TENM2: variants seen among roughly 807,000 people sequenced by gnomAD.
TENM2 encodes the protein teneurin-2.
In TENM2, 52 loss-of-function variants were observed where a neutral mutation model predicts 245.2. The ratio of observed to expected loss-of-function variants is 0.21; its 90% CI spans 0.17 to 0.27. The LOEUF (loss-of-function observed/expected upper bound fraction) is 0.27. TENM2 is among the 10% of genes least tolerant of loss of function. The probability of loss-of-function intolerance (pLI) is 1.00; values close to 1 mark genes in which losing one functional copy is unlikely to be tolerated. For missense variants in TENM2, 3,046 were observed against 3,666.8 expected (o/e 0.83, Z 4.37); for synonymous variants, 1,363 against 1,438.9 (o/e 0.95, Z 1.19).
chr5:167,703,646 G>A (rs1227064970), intron 2 of TENM2, among the ~76,000 whole-genome samples: 1 of 151,568 alleles, frequency 6.6e-6, no homozygotes, highest in East Asian at 1.9e-4. Context: ...ATATCATTTA[G>A]AAAAAGACAG....
At chr5:167,482,665 G>C (rs750680792) in intron 2 of TENM2, among the ~76,000 whole-genome samples, 19 of 152,196 alleles carry the variant, frequency 1.2e-4, no homozygotes, top group Non-Finnish European at 2.8e-4. Flanking sequence ...CAGCCTAATC[G>C]TACAGCAGTA....
At chr5:167,829,979 G>T (rs1261231593) in intron 2 of TENM2, among the ~76,000 whole-genome samples, 2 of 152,200 alleles carry the variant, frequency 1.3e-5, no homozygotes, top group African/African-American at 4.8e-5. Flanking sequence ...ATGGTCCCAG[G>T]ATACCTCCTC....
rs1770202469 is a variant in TENM2 at position 167,847,953 on chromosome 5, G to A, written c.503-28033G>A. ...TGCAACACTTTACACTTACCCTTTAGATTTCAGTTTGGGTAATTTGGACAT... is the reference window on the plus strand; with the variant it reads ...TGCAACACTTTACACTTACCCTTTAAATTTCAGTTTGGGTAATTTGGACAT... On this transcript the variant is annotated intron_variant, in intron 2 of 28. Transcript: ENST00000518659. 3.9e-5 allele frequency among the ~76,000 whole-genome samples: 6 copies of A among 152,152 alleles called. No homozygotes were observed. In the South Asian group the frequency reaches 1.2e-3, roughly 32 times the overall value.
chr5:167,419,904 T>C (rs1308863164), intron 2 of TENM2, among the ~76,000 whole-genome samples: 1 of 152,180 alleles, frequency 6.6e-6, no homozygotes, highest in African/African-American at 2.4e-5. Context: ...TCTACCAATA[T>C]AGTAAGCATT....
chr5:167,529,337 C>T (rs1445722530), intron 2 of TENM2, among the ~76,000 whole-genome samples: 1 of 152,168 alleles, frequency 6.6e-6, no homozygotes, highest in Non-Finnish European at 1.5e-5. Context: ...GTAGTTTTCA[C>T]ATTTATAAAT....
chr5:168,227,483 G>A lies in TENM2; in HGVS notation c.5285-412G>A, dbSNP rs575034362. Among the ~76,000 whole-genome samples, 503 of 85,570 alleles carry A rather than the reference G, an allele frequency of 5.9e-3. 5 individuals carry two copies. Among genetic ancestry groups the A allele is most frequent in the African/African-American group, 0.049 (482 of 9,906 alleles). 56.1% of individuals were successfully genotyped at this position (85,570 alleles called of 152,430 possible). Reference sequence around the variant, plus strand: ...CCAGCAACCTTGGGTTAGACGGCAGGCAAAAGGAGGAAAACTGAAGTCATT... The same window carrying A: ...CCAGCAACCTTGGGTTAGACGGCAGACAAAAGGAGGAAAACTGAAGTCATT... On this transcript the variant is annotated intron_variant, in intron 24 of 28. Transcript: ENST00000518659.
At chr5:167,110,329 C>T in the TENM2 span, among the ~76,000 whole-genome samples, 1 of 152,152 alleles carries the variant, frequency 6.6e-6, no homozygotes, top group African/African-American at 2.4e-5. Context: ...GAGACATGCT[C>T]CTCTAGCAAA....
At chr5:167,132,534 C>T in the TENM2 span, among the ~76,000 whole-genome samples, 14 of 152,012 alleles carry the variant, frequency 9.2e-5, no homozygotes, top group Non-Finnish European at 1.5e-4. Context: ...TCTAGAATGG[C>T]CAGGCATGTT....
chr5:167,791,064 A>G (rs1764921277), intron 2 of TENM2, among the ~76,000 whole-genome samples: 1 of 152,196 alleles, frequency 6.6e-6, no homozygotes, highest in Non-Finnish European at 1.5e-5. Context: ...GTATCTCAAT[A>G]GCTGCCCACA....
At chr5:167,774,377 A>G (rs577550084) in intron 2 of TENM2, among the ~76,000 whole-genome samples, 1 of 152,312 alleles carries the variant, frequency 6.6e-6, no homozygotes, top group East Asian at 1.9e-4. Flanking sequence ...AACACCCCTT[A>G]GAGTTTACTT....
At chr5:167,230,506 A>G in the TENM2 span, among the ~76,000 whole-genome samples, 1 of 152,026 alleles carries the variant, frequency 6.6e-6, no homozygotes, top group Non-Finnish European at 1.5e-5. Context: ...TGAGTAAGAG[A>G]TGCCTCTAAT....
At chr5:168,086,950 C>T (rs1792510178) in intron 7 of TENM2, among the ~76,000 whole-genome samples, 1 of 152,180 alleles carries the variant, frequency 6.6e-6, no homozygotes, top group Admixed American at 6.5e-5. Context: ...AGAGCAGAGG[C>T]TCCCCTACAC....
chr5:167,179,178 T>C, the TENM2 span, among the ~76,000 whole-genome samples: 1 of 152,232 alleles, frequency 6.6e-6, no homozygotes, highest in Non-Finnish European at 1.5e-5. Context: ...TAATTGGCAC[T>C]GTCCTCATCC....
chr5:167,169,391 A>G, the TENM2 span, among the ~76,000 whole-genome samples: 2 of 152,178 alleles, frequency 1.3e-5, no homozygotes, highest in African/African-American at 4.8e-5. Flanking sequence ...ATGAGCTACT[A>G]TTTTAGTGAT....
At chr5:167,918,003 G>A (rs1260898425) in intron 3 of TENM2, among the ~76,000 whole-genome samples, 1 of 151,970 alleles carries the variant, frequency 6.6e-6, no homozygotes, top group Non-Finnish European at 1.5e-5. Flanking sequence ...GGCTATAAAA[G>A]ACAACAATAA....
intron 13 of TENM2, among the ~76,000 whole-genome samples, chr5:168,169,041 T>C (rs1758560470): frequency 6.6e-6 from 1 of 152,216 alleles, no homozygotes; most frequent in African/African-American, 2.4e-5. Flanking sequence ...TTATTATTAT[T>C]ACAGTCCAGC....
chr5:168,230,735 CTACAGTCA>C (rs1314171442), intron 25 of TENM2, among the ~76,000 whole-genome samples: 1 of 152,150 alleles, frequency 6.6e-6, no homozygotes, highest in Non-Finnish European at 1.5e-5. Context: ...GGTGCCAACA[CTACAGTCA>C]GTACCACGGA....
chr5:168,154,158 A>C (rs1258036064), intron 12 of TENM2, among the ~76,000 whole-genome samples: 1 of 151,170 alleles, frequency 6.6e-6, no homozygotes, highest in Non-Finnish European at 1.5e-5. Flanking sequence ...AAAAAAAAAA[A>C]AAAAAAAACA....
intron 1 of TENM2, among the ~76,000 whole-genome samples, chr5:167,304,645 G>T (rs1755558179): frequency 6.6e-6 from 1 of 151,336 alleles, no homozygotes; most frequent in Admixed American, 6.6e-5. Flanking sequence ...TTTGCTTTTT[G>T]GATTGTTTGT....
Sources: gnomAD v4.1 joint callset for allele counts (sites outside exome capture counted in the v4.1 genomes callset) on GRCh38, gnomAD v4.1.1 for gene constraint, MANE v1.5 for transcripts, NCBI Gene and HGNC (gene_info 2026-07-23, HGNC 2026-07-21) for gene names.